The following PLIN5 variants were observed in gnomAD, a reference collection of about 807,000 sequenced individuals.
PLIN5 encodes the protein perilipin-5.
In PLIN5, 34 loss-of-function variants were observed where a neutral mutation model predicts 32.8. That is an observed-to-expected ratio of 1.04 (90% CI 0.79 to 1.38). PLIN5 has a LOEUF of 1.38. Among genes scored for constraint, PLIN5 ranks in the 40% most tolerant of loss-of-function variants. The probability of loss-of-function intolerance (pLI) is 0.00; values close to 1 mark genes in which losing one functional copy is unlikely to be tolerated. For missense variants in PLIN5, 712 were observed against 660.5 expected, an observed-to-expected ratio of 1.08 and a Z score of -0.85; for synonymous variants, 309 against 292.9, an observed-to-expected ratio of 1.05 and a Z score of -0.56.
chr19:4,522,594 G>C lies in PLIN5; in HGVS notation c.*934C>G, dbSNP rs1337057668. The stretch of plus-strand genomic sequence containing the variant: ...CCCAAACAGCAAAGCAAGCGAGTAT[G>C]GCAGGCTGAGCAGCACGGCCCATGG... On this transcript the variant is annotated 3_prime_UTR_variant, in exon 8 of 8. Transcript: ENST00000381848. 1 of 152,222 alleles carries C rather than the reference G, an allele frequency of 6.6e-6. No homozygotes were observed. Among genetic ancestry groups the C allele is most frequent in the Non-Finnish European group, 1.5e-5 (1 of 68,080 alleles). The allele number at this position is 152,222 out of a possible 1,614,324, so 9.4% of individuals were successfully genotyped here. A position where few individuals can be genotyped will look rare whatever the true frequency, so the allele number is the denominator to read the frequency against.
At position 4,529,179 on chromosome 19, in the gene PLIN5, G is replaced by A. The variant is rs1438636661; in HGVS notation, c.414C>T (p.Arg138=). Residue 138 remains arginine, a synonymous_variant, in exon 5 of 8, where the codon CGC becomes CGT. Transcript: ENST00000381848. The part of the protein sequence containing the change: ...GVVDLARRGR[R]WSVELKRSVS... ...CGGAGCGCTTCAGCTCCACGCTCCA[G>A]CGCCGGCCCCTCCGGGCCAGGTCCA... 4.3e-6 allele frequency: 7 copies of A among 1,613,180 alleles called. No individual in the cohort carries two copies. Among genetic ancestry groups the A allele is most frequent in the Non-Finnish European group, 4.2e-6 (5 of 1,179,916 alleles).
chr19:4,527,055 A>G (rs1375294902), intron 5 of PLIN5, among the ~76,000 whole-genome samples: 1 of 151,718 alleles, frequency 6.6e-6, no homozygotes, highest in Non-Finnish European at 1.5e-5. Flanking sequence ...TGGGTGACAG[A>G]ACAAGACCCC....
intron 1 of PLIN5, chr19:4,534,395 A>C (rs1024756035): frequency 3.0e-6 from 1 of 335,566 alleles, no homozygotes; most frequent in Non-Finnish European, 5.5e-6. Flanking sequence ...TATTTTTTTA[A>C]AGACAGAATC....
intron 3 of PLIN5, 60 bp from the exon 4 acceptor site, chr19:4,529,926 G>A (rs1000784970): frequency 2.5e-5 from 28 of 1,104,928 alleles, no homozygotes; most frequent in Middle Eastern, 5.0e-4. Context: ...TAGGGACGCA[G>A]TGAGAGTTGT....
Position 4,525,573 on chromosome 19 carries a change from G to T in PLIN5, c.720+60C>A. On this transcript the variant is annotated intron_variant, in intron 6 of 7. Coordinates refer to ENST00000381848, the MANE Select transcript of PLIN5 (RefSeq NM_001013706.3). This position sits in a 1 kb window ranked among gnomAD's most constrained non-coding sequence, Gnocchi z 5.6. ...TAGCACGGGATCCGGTATTCAGCTG[G>T]TGCTCAATCCATACTGATTGGCCTG... The T allele has an allele frequency of 6.3e-7, 1 of 1,581,176 alleles. No individual in the cohort carries two copies. The highest frequency in any genetic ancestry group is 8.6e-7 in the Non-Finnish European group (1 of 1,160,860).
chr19:4,524,095 G>C lies in PLIN5; in HGVS notation c.835-10C>G. ...GCGTCTCCAGCTCTGCCTGCAGGGG[G>C]CGGGGACCTCAGTTTCCCCTATGGA... On this transcript the variant is annotated splice_polypyrimidine_tract_variant and intron_variant, in intron 7 of 7. Transcript: ENST00000381848. 1 of 1,406,458 alleles carries C rather than the reference G, an allele frequency of 7.1e-7. No homozygotes were observed. The highest frequency in any genetic ancestry group is 1.5e-5 in the African/African-American group (1 of 66,248). The allele number at this position is 1,406,458 out of a possible 1,614,324, so 87.1% of individuals were successfully genotyped here. A position where few individuals can be genotyped will look rare whatever the true frequency, so the allele number is the denominator to read the frequency against.
chr19:4,529,047 G>A lies in PLIN5; in HGVS notation c.520+26C>T, dbSNP rs763661931. Reference sequence around the variant, plus strand: ...GATGGGGACGGGGCAGGACTCAGGGGTTAGGGTTGAGGGTGTCGTCCTCAC... The same window carrying A: ...GATGGGGACGGGGCAGGACTCAGGGATTAGGGTTGAGGGTGTCGTCCTCAC... On this transcript the variant is annotated intron_variant, in intron 5 of 7. Coordinates refer to ENST00000381848, the MANE Select transcript of PLIN5 (RefSeq NM_001013706.3). 12 of 1,606,406 alleles carry A rather than the reference G, an allele frequency of 7.5e-6. No individual in the cohort carries two copies. In the South Asian group the frequency reaches 1.0e-4, roughly 13 times the overall value.
At chr19:4,524,703 C>T (rs1976777300) in intron 7 of PLIN5, among the ~76,000 whole-genome samples, 1 of 151,898 alleles carries the variant, frequency 6.6e-6, no homozygotes, top group Non-Finnish European at 1.5e-5. Context: ...CCCCCACCTC[C>T]CTCCATCTCA....
At chr19:4,530,220 C>T (rs1976866986) in intron 3 of PLIN5, among the ~76,000 whole-genome samples, 1 of 152,086 alleles carries the variant, frequency 6.6e-6, no homozygotes, top group African/African-American at 2.4e-5. Context: ...TGTGGGTAGG[C>T]CGCTGGGTTG....
chr19:4,533,854 T>G, intron 2 of PLIN5, 161 bp downstream of exon 2: 1 of 785,798 alleles, frequency 1.3e-6, no homozygotes, highest in Non-Finnish European at 2.0e-6. Context: ...AAGCCCCCAC[T>G]AGGAAATAGA....
chr19:4,534,164 A>T, intron 1 of PLIN5, 69 bp from the exon 2 acceptor site: 1 of 1,343,094 alleles, frequency 7.4e-7, no homozygotes, highest in Admixed American at 2.0e-5. Flanking sequence ...GGGCTCTGTG[A>T]CTTGAGCAAC....
rs777524541 is a variant in PLIN5, at chr19:4,525,725, G to C, written c.628C>G (p.His210Asp). 1 of 1,613,646 alleles carries C rather than the reference G, an allele frequency of 6.2e-7. No homozygotes were observed. The highest frequency in any genetic ancestry group is 1.3e-5 in the African/African-American group (1 of 74,926). The change falls in exon 6 of 8, where the codon CAC (histidine) becomes GAC (aspartate). Residue 210 changes from histidine (H) to aspartate (D), a missense_variant. By Grantham distance (81) the His-to-Asp change is moderately conservative. Transcript: ENST00000381848. The surrounding 1 kb of genome is among the most constrained non-coding windows in gnomAD (Gnocchi z 5.6). ...CCCACAGAGTGCTCGTAGGCCAGGT[G>C]GCGGATCCGTGCTGACAGGGAGCCG... ...RLGSLSARIR[H>D]LAYEHSVGKL...
Position 4,525,952 on chromosome 19 carries a change from G to GGA in PLIN5, c.521-121_521-120insTC, listed in dbSNP as rs1429999896. ...AGCACGGGGACAGGATACGGGGACA[G>GGA]CACGGGGACAGCATGGGGTCAGCAC... On this transcript the variant is annotated intron_variant, in intron 5 of 7. Coordinates refer to ENST00000381848, the MANE Select transcript of PLIN5 (RefSeq NM_001013706.3). The surrounding 1 kb of genome is among the most constrained non-coding windows in gnomAD (Gnocchi z 5.6). The GGA allele has an allele frequency of 1.5e-5, 10 of 683,260 alleles. No individual in the cohort carries two copies. Among genetic ancestry groups the GGA allele is most frequent in the Admixed American group, 8.1e-5 (3 of 36,858 alleles). The allele number at this position is 683,260 out of a possible 1,614,324, so 42.3% of individuals were successfully genotyped here.
At chr19:4,534,509 A>G (rs151295298) in intron 1 of PLIN5, among the ~76,000 whole-genome samples, 1,760 of 152,174 alleles carry the variant, frequency 0.012, 34 homozygotes, top group African/African-American at 0.04. Context: ...GTTAGCTGGG[A>G]TTACCCACGT....
At chr19:4,530,237 G>A (rs541665007) in intron 3 of PLIN5, among the ~76,000 whole-genome samples, 2 of 152,236 alleles carry the variant, frequency 1.3e-5, no homozygotes, top group Non-Finnish European at 1.5e-5. Context: ...GTTGGGCACT[G>A]CCTCCTCTGC....
intron 3 of PLIN5, among the ~76,000 whole-genome samples, chr19:4,530,782 C>T (rs1340669252): frequency 1.3e-5 from 2 of 152,060 alleles, no homozygotes; most frequent in African/African-American, 4.8e-5. Context: ...AAGCGATTCT[C>T]CTGCCTCAGC....
At chr19:4,529,368 C>T in intron 4 of PLIN5, 115 bp from the exon 5 acceptor site, 1 of 1,161,088 alleles carries the variant, frequency 8.6e-7, no homozygotes, top group South Asian at 1.6e-5. Context: ...TGGCTCCGTG[C>T]CTCAGTTTCC....
At chr19:4,528,347 G>A (rs1976833953) in intron 5 of PLIN5, 1 of 152,202 alleles carries the variant, frequency 6.6e-6, no homozygotes, top group Non-Finnish European at 1.5e-5. Flanking sequence ...ATAAACCACT[G>A]GGGACTAGTG....
intron 2 of PLIN5, chr19:4,533,685 TCTTA>T (rs1976913907): frequency 2.0e-6 from 1 of 497,894 alleles, no homozygotes; most frequent in African/African-American, 1.9e-5. Context: ...TGATTGCTGC[TCTTA>T]CTATTGTTGT....
Sources: gnomAD v4.1 joint callset for allele counts (sites outside exome capture counted in the v4.1 genomes callset) on GRCh38, gnomAD v4.1.1 for gene constraint, Gnocchi (gnomAD v3.1) non-coding constraint, MANE v1.5 for transcripts, NCBI Gene and HGNC (gene_info 2026-07-23, HGNC 2026-07-21) for gene names.